PHF11: variants seen among roughly 807,000 people sequenced by gnomAD.
The protein encoded by PHF11 is BRCA1 C-terminus-associated protein.
PHF11 carries 38 observed loss-of-function variants against 40.5 expected under a neutral mutation model. That is an observed-to-expected ratio of 0.94 (90% CI 0.72 to 1.23). The LOEUF is 1.23. Among genes scored for constraint, PHF11 ranks in the 50% most tolerant of loss-of-function variants. The probability of loss-of-function intolerance (pLI) is 0.00; values close to 1 mark genes in which losing one functional copy is unlikely to be tolerated. For synonymous variants in PHF11, 127 were observed against 138.2 expected (o/e 0.92, Z 0.57); for missense variants, 369 against 392.4 (o/e 0.94, Z 0.50).
intron 3 of PHF11, among the ~76,000 whole-genome samples, chr13:49,514,485 CTGCA>C (rs1305407247): frequency 6.6e-6 from 1 of 152,096 alleles, no homozygotes; most frequent in African/African-American, 2.4e-5. Flanking sequence ...GGGCATGGTG[CTGCA>C]TGCCTCTAAT....
intron 9 of PHF11, chr13:49,527,067 CA>C (rs1302987704): frequency 1.0e-5 from 1 of 99,904 alleles, no homozygotes; most frequent in East Asian, 4.2e-4. Context: ...AAAAAAAAAA[CA>C]AAAACAAACA....
intron 7 of PHF11, 122 bp downstream of exon 7, chr13:49,523,363 T>C: frequency 3.0e-6 from 2 of 676,504 alleles, no homozygotes; most frequent in South Asian, 3.5e-5. Flanking sequence ...TGGTAATTAA[T>C]GAGTATAAAT....
chr13:49,497,360 T>C, intron 1 of PHF11: 1 of 502,368 alleles, frequency 2.0e-6, no homozygotes, highest in Non-Finnish European at 3.7e-6. Flanking sequence ...ATTCAGGTAC[T>C]CCAAACCTGC....
At chr13:49,519,157 C>T (rs886587232) in intron 4 of PHF11, among the ~76,000 whole-genome samples, 1 of 151,988 alleles carries the variant, frequency 6.6e-6, no homozygotes, top group Non-Finnish European at 1.5e-5. Flanking sequence ...AATCTGATTT[C>T]GAGCAAGTTC....
chr13:49,498,831 C>T (rs984091061), intron 1 of PHF11, among the ~76,000 whole-genome samples: 1 of 152,194 alleles, frequency 6.6e-6, no homozygotes, highest in Non-Finnish European at 1.5e-5. Context: ...CACATGGGCA[C>T]ACACACATAT....
intron 1 of PHF11, chr13:49,496,306 C>T (rs1958807124): frequency 1.2e-6 from 1 of 829,000 alleles, no homozygotes; most frequent in African/African-American, 1.8e-5. Context: ...AGGGCGCGGC[C>T]CAGGCCAGTT....
chr13:49,528,533 A>G lies in PHF11; in HGVS notation c.864A>G (p.Ala288=). The change falls in exon 10 of 10, where the codon GCA becomes GCG. Residue 288 remains alanine, a synonymous_variant. Transcript: ENST00000378319. ...FQAAIEKKIH[A]SQQRWQQLKE... ...TAGCAATAGAGAAAAAAATTCATGCATCTCAACAAAGGTGGCAGCAGTTGA... is the reference window on the plus strand; with the variant it reads ...TAGCAATAGAGAAAAAAATTCATGCGTCTCAACAAAGGTGGCAGCAGTTGA... 6.2e-7 allele frequency: 1 copy of G among 1,604,460 alleles called. No individual in the cohort carries two copies. The highest frequency in any genetic ancestry group is 8.5e-7 in the Non-Finnish European group (1 of 1,176,528).
chr13:49,522,754 A>C (rs1959194308), intron 6 of PHF11, among the ~76,000 whole-genome samples: 1 of 132,708 alleles, frequency 7.5e-6, no homozygotes, highest in Non-Finnish European at 1.6e-5. Context: ...AAATATGAAT[A>C]TGGGGTTTTT....
chr13:49,514,618 C>A (rs991536696), intron 3 of PHF11, among the ~76,000 whole-genome samples: 15 of 152,030 alleles, frequency 9.9e-5, no homozygotes, highest in African/African-American at 3.4e-4. Flanking sequence ...ATTAGCCCGA[C>A]ACAGTGGCAT....
intron 1 of PHF11, among the ~76,000 whole-genome samples, chr13:49,499,388 T>C (rs1958870888): frequency 6.6e-6 from 1 of 152,222 alleles, no homozygotes; most frequent in South Asian, 2.1e-4. Context: ...GTCCATTGAA[T>C]ATCCTATCCT....
At chr13:49,525,882 T>C (rs945388971) in intron 8 of PHF11, 9 of 438,448 alleles carry the variant, frequency 2.1e-5, no homozygotes, top group Admixed American at 1.1e-4. Flanking sequence ...ATACCAAGAA[T>C]TGGGGGCCAG....
chr13:49,517,502 C>G (rs1005037944), intron 3 of PHF11, among the ~76,000 whole-genome samples: 1 of 152,096 alleles, frequency 6.6e-6, no homozygotes, highest in African/African-American at 2.4e-5. Context: ...AATTTTTGGC[C>G]CTACTACCTA....
intron 3 of PHF11, among the ~76,000 whole-genome samples, chr13:49,513,878 T>A (rs1470542043): frequency 6.6e-6 from 1 of 152,172 alleles, no homozygotes; most frequent in Admixed American, 6.5e-5. Flanking sequence ...CTGGTCCCAT[T>A]GTGGTCATAG....
intron 5 of PHF11, chr13:49,521,378 T>C: frequency 1.0e-6 from 1 of 988,128 alleles, no homozygotes; most frequent in Non-Finnish European, 1.2e-6. Context: ...TCATGGGGTA[T>C]ACTTTCATTC....
intron 9 of PHF11, among the ~76,000 whole-genome samples, chr13:49,527,512 T>TA (rs1959357446): frequency 6.6e-6 from 1 of 152,228 alleles, no homozygotes; most frequent in Non-Finnish European, 1.5e-5. Context: ...TATACATTTC[T>TA]ATTTGAATTT....
chr13:49,499,976 C>T (rs2139026766), intron 1 of PHF11, among the ~76,000 whole-genome samples: 1 of 152,332 alleles, frequency 6.6e-6, no homozygotes, highest in Non-Finnish European at 1.5e-5. Flanking sequence ...GTGGATTACC[C>T]TTGGCTGGAG....
chr13:49,506,149 C>G (rs74785156), intron 1 of PHF11, among the ~76,000 whole-genome samples: 172 of 151,702 alleles, frequency 1.1e-3, no homozygotes, highest in African/African-American at 4.0e-3. Flanking sequence ...GTAATCCCAG[C>G]ACTTTGAAAA....
chr13:49,513,115 A>C lies in PHF11; in HGVS notation c.273A>C (p.Arg91Ser). The C allele has an allele frequency of 2.5e-6, 4 of 1,601,874 alleles. No homozygotes were observed. Among genetic ancestry groups the C allele is most frequent in the Non-Finnish European group, 3.4e-6 (4 of 1,169,024 alleles). The part of the protein sequence containing the change: ...CEDQDPLNPD[R>S]SFDVESVKKE... ...ATCAGGATCCACTTAATCCTGATAG[A>C]AGTTTTGATGTGGAATCAGTAAAGA... Residue 91 changes from arginine to serine, a missense_variant, in exon 3 of 10, where the codon AGA becomes AGC. Physicochemically the swap from Arg to Ser is moderately radical, Grantham distance 110 (BLOSUM62 -1). Transcript: ENST00000378319.
Position 49,524,132 on chromosome 13 carries a change from CT to C in PHF11, c.687del (p.Asn231IlefsTer8), listed in dbSNP as rs749455312. On this transcript the variant is annotated frameshift_variant, in exon 8 of 10. Coordinates refer to ENST00000378319, the MANE Select transcript of PHF11 (RefSeq NM_001040443.3). LOFTEE classifies it high-confidence loss of function. ...TCTTAAGAAATGCAAGGAAGCAGGA[CT>C]TCTTAATTACTTACTTGAAGAAATA... ...PFLKKCKEAG[L>X]LNYLLEEILD... is the part of the protein sequence containing the mutation. The C allele has an allele frequency of 3.7e-6, 6 of 1,603,856 alleles. No homozygotes were observed. The South Asian group carries it at 6.6e-5, about 18-fold the overall frequency.
Sources: gnomAD v4.1 joint callset for allele counts (sites outside exome capture counted in the v4.1 genomes callset) on GRCh38, gnomAD v4.1.1 for gene constraint, MANE v1.5 for transcripts, NCBI Gene and HGNC (gene_info 2026-07-23, HGNC 2026-07-21) for gene names.